CMTM6: variants seen among roughly 807,000 people sequenced by gnomAD.
The protein encoded by CMTM6 is CKLF like MARVEL transmembrane domain containing 6.
A neutral mutation model predicts 13.6 loss-of-function variants in CMTM6; 5 were observed. The observed-to-expected ratio is 0.37, with a 90% CI of 0.19 to 0.77. The LOEUF (loss-of-function observed/expected upper bound fraction) is 0.77. Among genes scored for constraint, CMTM6 ranks in the 30% least tolerant of loss-of-function variants. The pLI is 0.50. For synonymous variants in CMTM6, 99 were observed against 84.5 expected, an observed-to-expected ratio of 1.17 and a Z score of -0.94; for missense variants, 196 against 218.6, an observed-to-expected ratio of 0.90 and a Z score of 0.65.
rs900120825 is a variant in CMTM6, at chr3:32,483,767, A to T, written c.*193T>A. 2.4e-6 allele frequency: 1 copy of T among 414,074 alleles called. No individual in the cohort carries two copies. Among genetic ancestry groups the T allele is most frequent in the African/African-American group, 2.1e-5 (1 of 48,776 alleles). The allele number at this position is 414,074 out of a possible 1,614,324, so 25.6% of individuals were successfully genotyped here. A position where few individuals can be genotyped will look rare whatever the true frequency, so the allele number is the denominator to read the frequency against. On this transcript the variant is annotated 3_prime_UTR_variant, in exon 4 of 4. Transcript: ENST00000205636. Reference sequence around the variant, plus strand: ...TAAGTTTCAATTATTATTTAAAAAAAAATTTTTTTTAACTTATCTGGCCTA... The same window carrying T: ...TAAGTTTCAATTATTATTTAAAAAATAATTTTTTTTAACTTATCTGGCCTA...
intron 2 of CMTM6, among the ~76,000 whole-genome samples, 155 bp downstream of exon 2, chr3:32,491,555 G>A (rs1264417510): frequency 6.6e-6 from 1 of 152,128 alleles, no homozygotes; most frequent in Non-Finnish European, 1.5e-5. Flanking sequence ...CCCTTGGTAG[G>A]AAAAAATGAG....
intron 2 of CMTM6, among the ~76,000 whole-genome samples, chr3:32,488,751 T>A (rs980436022): frequency 6.6e-6 from 1 of 152,188 alleles, no homozygotes; most frequent in African/African-American, 2.4e-5. Flanking sequence ...CATAAAAGCT[T>A]CCATATCTTA....
chr3:32,481,938 T>C lies in CMTM6; in HGVS notation c.*2022A>G, dbSNP rs1430872459. 6.6e-6 allele frequency: 1 copy of C among 152,238 alleles called. No homozygotes were observed. The highest frequency in any genetic ancestry group is 2.4e-5 in the African/African-American group (1 of 41,466). The allele number at this position is 152,238 out of a possible 1,614,324, so 9.4% of individuals were successfully genotyped here. A position where few individuals can be genotyped will look rare whatever the true frequency, so the allele number is the denominator to read the frequency against. ...TTTTATATGACAGGCCAGCTGAGAA[T>C]GTATCTGTCAATCCTGACTAAGCCC... On this transcript the variant is annotated 3_prime_UTR_variant, in exon 4 of 4. Coordinates refer to ENST00000205636, the MANE Select transcript of CMTM6 (RefSeq NM_017801.3).
intron 1 of CMTM6, among the ~76,000 whole-genome samples, chr3:32,494,477 A>G (rs1484661373): frequency 6.6e-6 from 1 of 152,214 alleles, no homozygotes; most frequent in Non-Finnish European, 1.5e-5. Context: ...TTTAAAAACT[A>G]AGCATATATC....
At chr3:32,497,413 T>G (rs748458150) in intron 1 of CMTM6, among the ~76,000 whole-genome samples, 4 of 120,038 alleles carry the variant, frequency 3.3e-5, no homozygotes, top group Non-Finnish European at 7.0e-5. Flanking sequence ...AAGAAAAAAC[T>G]CCTTAAAAAG....
intron 3 of CMTM6, among the ~76,000 whole-genome samples, chr3:32,486,018 C>G (rs1697200547): frequency 6.6e-6 from 1 of 152,184 alleles, no homozygotes; most frequent in African/African-American, 2.4e-5. Flanking sequence ...GCTGGGACTA[C>G]AGGCGCCTGC....
At chr3:32,486,934 G>A (rs1023591372) in intron 3 of CMTM6, among the ~76,000 whole-genome samples, 6 of 152,130 alleles carry the variant, frequency 3.9e-5, no homozygotes, top group Admixed American at 1.3e-4. Flanking sequence ...CTCGCCTTCT[G>A]CCATGACTGT....
In CMTM6 at chr3:32,483,292, G is replaced by A. The variant is rs1357915193; in HGVS notation, c.*668C>T. On this transcript the variant is annotated 3_prime_UTR_variant, in exon 4 of 4. Coordinates refer to ENST00000205636, the MANE Select transcript of CMTM6 (RefSeq NM_017801.3). ...GGTGCAGTATAAACACGAAGTTGCT[G>A]ATATTGTTGCTTTTATACACATAAA... is the stretch of plus-strand genomic sequence containing the variant. 1 of 152,542 alleles carries A rather than the reference G, an allele frequency of 6.6e-6. No homozygotes were observed. Among genetic ancestry groups the A allele is most frequent in the Non-Finnish European group, 1.5e-5 (1 of 68,028 alleles). The allele number at this position is 152,542 out of a possible 1,614,324, so 9.4% of individuals were successfully genotyped here.
In CMTM6 at chr3:32,501,188, C is replaced by CAA. The variant is rs545695553; in HGVS notation, c.138+1418_138+1419dup. ...TTGGCGATAGAGCAAGACTCGGTCTCAAAAAAAAAAAAAAAAAAAGCTTCA... is the reference window on the plus strand; with the variant it reads ...TTGGCGATAGAGCAAGACTCGGTCTCAAAAAAAAAAAAAAAAAAAAAGCTTCA... On this transcript the variant is annotated intron_variant, in intron 1 of 3. Coordinates refer to ENST00000205636, the MANE Select transcript of CMTM6 (RefSeq NM_017801.3). 3.2e-3 allele frequency among the ~76,000 whole-genome samples: 184 copies of CAA among 58,172 alleles called. 2 individuals are homozygous for CAA. Among genetic ancestry groups the CAA allele is most frequent in the East Asian group, 8.9e-3 (22 of 2,468 alleles). 38.2% of individuals were successfully genotyped at this position (58,172 alleles called of 152,430 possible).
At chr3:32,492,997 T>A (rs1012591447) in intron 1 of CMTM6, among the ~76,000 whole-genome samples, 2 of 152,238 alleles carry the variant, frequency 1.3e-5, no homozygotes, top group Non-Finnish European at 2.9e-5. Context: ...TTACCAGCCT[T>A]TTACAGTTGC....
chr3:32,497,377 T>A (rs1350712852), intron 1 of CMTM6, among the ~76,000 whole-genome samples: 18 of 121,454 alleles, frequency 1.5e-4, no homozygotes, highest in South Asian at 1.3e-3. Flanking sequence ...AGCGAGACTC[T>A]GTCTCAAAAA....
intron 3 of CMTM6, among the ~76,000 whole-genome samples, chr3:32,486,289 G>A (rs1697204096): frequency 6.6e-6 from 1 of 152,162 alleles, no homozygotes; most frequent in African/African-American, 2.4e-5. Flanking sequence ...ACTGCTACCA[G>A]TCCAAGGCCA....
At chr3:32,500,295 C>G (rs1486782405) in intron 1 of CMTM6, among the ~76,000 whole-genome samples, 2 of 152,228 alleles carry the variant, frequency 1.3e-5, no homozygotes, top group Non-Finnish European at 2.9e-5. Flanking sequence ...AAGGCAAAGA[C>G]CTTGCCTATA....
intron 1 of CMTM6, among the ~76,000 whole-genome samples, chr3:32,497,573 A>T (rs1298129977): frequency 6.8e-6 from 1 of 148,102 alleles, no homozygotes; most frequent in East Asian, 2.0e-4. Context: ...AAAAGTGTAA[A>T]AGTTGGCCGG....
Position 32,502,637 on chromosome 3 carries a change from G to T in CMTM6, c.109C>A (p.Leu37Ile). 6.3e-7 allele frequency: 1 copy of T among 1,596,712 alleles called. No homozygotes were observed. ...TGCAAGCCCTTGAGAACGCGCCGGA[G>T]CAATGGGAGCCGGCCCATGAAAAAG... is the stretch of plus-strand genomic sequence containing the variant. ...AYFFMGRLPL[L>I]RRVLKGLQLL... Residue 37 changes from leucine (L) to isoleucine (I), a missense_variant, in exon 1 of 4, where the codon CTC (leucine) becomes ATC (isoleucine). By Grantham distance (5) the Leu-to-Ile change is conservative. Coordinates refer to ENST00000205636, the MANE Select transcript of CMTM6 (RefSeq NM_017801.3).
chr3:32,486,687 A>G (rs1048504039), intron 3 of CMTM6, among the ~76,000 whole-genome samples: 1 of 152,190 alleles, frequency 6.6e-6, no homozygotes, highest in African/African-American at 2.4e-5. Flanking sequence ...GTAATCCACC[A>G]TAATAAGTGA....
At chr3:32,484,762 A>G (rs1437511811) in intron 3 of CMTM6, among the ~76,000 whole-genome samples, 1 of 152,192 alleles carries the variant, frequency 6.6e-6, no homozygotes, top group Non-Finnish European at 1.5e-5. Context: ...CCTTAAGGAT[A>G]TGGGGGCCAG....
chr3:32,490,773 AT>A (rs1697243648), intron 2 of CMTM6, among the ~76,000 whole-genome samples: 1 of 152,178 alleles, frequency 6.6e-6, no homozygotes, highest in Non-Finnish European at 1.5e-5. Flanking sequence ...TTATGGTGAT[AT>A]TGTTTCACTG....
At chr3:32,497,260 C>G (rs1697301911) in intron 1 of CMTM6, among the ~76,000 whole-genome samples, 1 of 151,262 alleles carries the variant, frequency 6.6e-6, no homozygotes, top group Non-Finnish European at 1.5e-5. Context: ...TGGCGGGCGC[C>G]TGTAGTCCCA....
Sources: gnomAD v4.1 joint callset for allele counts (sites outside exome capture counted in the v4.1 genomes callset) on GRCh38, gnomAD v4.1.1 for gene constraint, MANE v1.5 for transcripts, NCBI Gene and HGNC (gene_info 2026-07-23, HGNC 2026-07-21) for gene names.